Variants in LHFPL3 observed in about 807,000 individuals in gnomAD.
LHFPL3 encodes the protein LHFPL tetraspan subfamily member 3 protein.
LHFPL3 carries 5 observed loss-of-function variants against 19.3 expected under a neutral mutation model. The ratio of observed to expected loss-of-function variants is 0.26; its 90% CI spans 0.14 to 0.54. LHFPL3 has a LOEUF of 0.54. Among genes scored for constraint, LHFPL3 ranks in the 20% least tolerant of loss-of-function variants. The probability of loss-of-function intolerance (pLI) is 0.94; values close to 1 mark genes in which losing one functional copy is unlikely to be tolerated. For synonymous variants in LHFPL3, 133 were observed against 126.2 expected (o/e 1.05, Z -0.36); for missense variants, 249 against 307.4 (o/e 0.81, Z 1.42).
rs1171297280 is a variant in LHFPL3 at position 104,821,751 on chromosome 7, T to C, written c.683-84436T>C. 2.6e-5 allele frequency among the ~76,000 whole-genome samples: 4 copies of C among 152,200 alleles called. No homozygotes were observed. In the East Asian group the frequency reaches 5.8e-4, roughly 22 times the overall value. ...CCTAAAGTAGCACAGTCAAAGTTTC[T>C]AGACTTGGAAAAACAGGAGTTCACA... On this transcript the variant is annotated intron_variant, in intron 2 of 2. Transcript: ENST00000424859.
intron 1 of LHFPL3, among the ~76,000 whole-genome samples, chr7:104,544,557 C>T (rs560542197): frequency 6.6e-6 from 1 of 152,242 alleles, no homozygotes; most frequent in Admixed American, 6.5e-5. Context: ...TCAGTTCTTT[C>T]TAGGGCAACC....
At chr7:104,408,786 C>G (rs1272755416) in intron 1 of LHFPL3, among the ~76,000 whole-genome samples, 1 of 151,700 alleles carries the variant, frequency 6.6e-6, no homozygotes, top group African/African-American at 2.4e-5. Flanking sequence ...CCGTGATAGA[C>G]TAGCAATGTC....
chr7:104,329,283 G>A, intron 1 of LHFPL3, 59 bp downstream of exon 1: 8 of 1,533,372 alleles, frequency 5.2e-6, no homozygotes, highest in Non-Finnish European at 7.0e-6. Context: ...AGCCGGGGAG[G>A]GGCCAGAGTG....
intron 1 of LHFPL3, among the ~76,000 whole-genome samples, chr7:104,517,642 G>A (rs1362507952): frequency 6.6e-6 from 1 of 151,560 alleles, no homozygotes; most frequent in East Asian, 1.9e-4. Context: ...GAATAATTGG[G>A]CTTACAGGCG....
intron 1 of LHFPL3, chr7:104,667,984 C>A (rs1235969563): frequency 1.2e-6 from 2 of 1,613,512 alleles, no homozygotes; most frequent in East Asian, 2.2e-5. Flanking sequence ...GCTCCACGGG[C>A]TGCTCGGGAA....
chr7:104,474,684 CAACAAAAAAAA>C (rs1220797344), intron 1 of LHFPL3, among the ~76,000 whole-genome samples: 4 of 70,820 alleles, frequency 5.6e-5, no homozygotes, highest in African/African-American at 1.8e-4. Context: ...ACAACAACAA[CAACAAAAAAAA>C]AAAAAAAAAA....
chr7:104,549,761 A>G (rs1204568975), intron 1 of LHFPL3, among the ~76,000 whole-genome samples: 1 of 152,154 alleles, frequency 6.6e-6, no homozygotes, highest in Non-Finnish European at 1.5e-5. Flanking sequence ...TCAACTTATT[A>G]TGTTGAGTGG....
intron 1 of LHFPL3, among the ~76,000 whole-genome samples, chr7:104,367,868 A>G (rs1790526379): frequency 6.6e-6 from 1 of 152,198 alleles, no homozygotes; most frequent in African/African-American, 2.4e-5. Flanking sequence ...CAGGGAGCAA[A>G]TTACATCTCT....
At chr7:104,613,404 G>A (rs889379391) in intron 1 of LHFPL3, among the ~76,000 whole-genome samples, 3 of 152,122 alleles carry the variant, frequency 2.0e-5, no homozygotes, top group African/African-American at 7.2e-5. Context: ...CCTTTCTTGT[G>A]TAATTGCAAA....
chr7:104,830,616 C>T (rs1348330546), intron 2 of LHFPL3, among the ~76,000 whole-genome samples: 2 of 151,892 alleles, frequency 1.3e-5, no homozygotes, highest in Admixed American at 6.6e-5. Flanking sequence ...TTGTTTTTCT[C>T]AGGTTTGTCA....
chr7:104,479,303 G>A (rs1225469833), intron 1 of LHFPL3, among the ~76,000 whole-genome samples: 4 of 152,124 alleles, frequency 2.6e-5, no homozygotes, highest in South Asian at 2.1e-4. Flanking sequence ...CATTCTGAGG[G>A]ACGCCATGGG....
chr7:104,436,842 A>T (rs1792116603), intron 1 of LHFPL3, among the ~76,000 whole-genome samples: 1 of 152,202 alleles, frequency 6.6e-6, no homozygotes, highest in South Asian at 2.1e-4. Flanking sequence ...ACATTTTAAT[A>T]TTTGTATTAA....
intron 1 of LHFPL3, among the ~76,000 whole-genome samples, chr7:104,726,167 T>A (rs1793588004): frequency 6.6e-6 from 1 of 152,036 alleles, no homozygotes; most frequent in Non-Finnish European, 1.5e-5. Context: ...TTAACTAGAT[T>A]TGAGACTGTG....
At chr7:104,514,379 C>A (rs1793881564) in intron 1 of LHFPL3, among the ~76,000 whole-genome samples, 2 of 152,160 alleles carry the variant, frequency 1.3e-5, no homozygotes, top group South Asian at 4.2e-4. Flanking sequence ...TCATTAGTAT[C>A]TATCTCTCCC....
chr7:104,741,461 CAAAAAAAAAA>C (rs5886331), intron 2 of LHFPL3, among the ~76,000 whole-genome samples: 1,036 of 92,912 alleles, frequency 0.011, 18 homozygotes, highest in African/African-American at 0.037. Flanking sequence ...TTCTTTATGC[CAAAAAAAAAA>C]AAAAAAAAAG....
intron 2 of LHFPL3, among the ~76,000 whole-genome samples, chr7:104,851,783 G>C (rs929741910): frequency 3.3e-5 from 5 of 152,092 alleles, no homozygotes; most frequent in Admixed American, 3.3e-4. Flanking sequence ...CAAAGTAAGA[G>C]ACTTGGCGCT....
intron 1 of LHFPL3, among the ~76,000 whole-genome samples, chr7:104,559,854 C>T (rs891067811): frequency 9.0e-4 from 130 of 144,298 alleles, no homozygotes; most frequent in South Asian, 1.5e-3. Context: ...AAATACGTCC[C>T]ATCAATACCT....
intron 1 of LHFPL3, among the ~76,000 whole-genome samples, chr7:104,490,667 C>T (rs1194008972): frequency 2.6e-5 from 4 of 152,102 alleles, no homozygotes; most frequent in Non-Finnish European, 4.4e-5. Flanking sequence ...ATCAACTAAA[C>T]CCCCATATGT....
At chr7:104,567,422 A>T (rs918703904) in intron 1 of LHFPL3, among the ~76,000 whole-genome samples, 9 of 152,178 alleles carry the variant, frequency 5.9e-5, no homozygotes, top group African/African-American at 1.9e-4. Context: ...GTTTAGGGTG[A>T]TATGGACTTT....
Sources: allele counts gnomAD v4.1 joint callset (sites outside exome capture counted in the v4.1 genomes callset), GRCh38; gene constraint gnomAD v4.1.1; transcripts MANE v1.5; gene names NCBI Gene and HGNC (gene_info 2026-07-23, HGNC 2026-07-21).